Variants in ZFHX3 observed in about 807,000 individuals in gnomAD.
ZFHX3 encodes the protein zinc finger homeobox protein 3.
Under a neutral mutation model 279.1 loss-of-function variants are expected in ZFHX3, and 42 were observed. That is an observed-to-expected ratio of 0.15 (90% CI 0.12 to 0.19). ZFHX3 has a LOEUF of 0.19. Ranked by LOEUF, ZFHX3 falls within the 10% of genes least tolerant of loss-of-function variation. The pLI is 1.00. For missense variants in ZFHX3, 4,981 were observed against 4,754.0 expected, an observed-to-expected ratio of 1.05 and a Z score of -1.40; for synonymous variants, 2,293 against 1,957.8, an observed-to-expected ratio of 1.17 and a Z score of -4.52.
chr16:72,950,960 C>A lies in ZFHX3; in HGVS notation c.2725G>T (p.Gly909Cys). ...MAAMTPALVG[G>C]EIPLDMRLGG... is the part of the protein sequence containing the mutation. Reference sequence around the variant, plus strand: ...AGCCGCATGTCTAGGGGGATCTCACCGCCCACTGCAGGGAAGGAGAGAAGG... The same window carrying A: ...AGCCGCATGTCTAGGGGGATCTCACAGCCCACTGCAGGGAAGGAGAGAAGG... Residue 909 changes from glycine to cysteine, a missense_variant, in exon 3 of 10, where the codon GGT (glycine) becomes TGT (cysteine). Physicochemically the swap from Gly to Cys is radical, Grantham distance 159 (BLOSUM62 -3). Around this residue, in one of 7 missense-constraint regions of ZFHX3, gnomAD observed 1,751 missense variants for 1,770.0 expected, o/e 0.99. Transcript: ENST00000268489. 6.2e-7 allele frequency: 1 copy of A among 1,611,226 alleles called. No homozygotes were observed. Among genetic ancestry groups the A allele is most frequent in the Non-Finnish European group, 8.5e-7 (1 of 1,177,852 alleles).
At chr16:73,474,396 A>G (rs966801259) in intron 2 of ZFHX3, among the ~76,000 whole-genome samples, 1 of 152,134 alleles carries the variant, frequency 6.6e-6, no homozygotes, top group Non-Finnish European at 1.5e-5. Context: ...TGATCCACCC[A>G]CCTTGGCCTC....
chr16:73,183,683 G>A (rs867711229), intron 5 of ZFHX3, among the ~76,000 whole-genome samples: 2 of 152,210 alleles, frequency 1.3e-5, no homozygotes, highest in Non-Finnish European at 2.9e-5. Context: ...CCTAAAGGAA[G>A]TTATGTTTAT....
intron 5 of ZFHX3, among the ~76,000 whole-genome samples, chr16:73,216,323 G>T (rs2012206376): frequency 6.6e-6 from 1 of 152,146 alleles, no homozygotes; most frequent in African/African-American, 2.4e-5. Context: ...GTCATTCAAG[G>T]TCCCCAGCAA....
At chr16:73,379,151 T>C (rs2016776614) in intron 3 of ZFHX3, among the ~76,000 whole-genome samples, 1 of 152,228 alleles carries the variant, frequency 6.6e-6, no homozygotes, top group African/African-American at 2.4e-5. Context: ...TTTTTTAGGA[T>C]GTTTTTACTG....
At chr16:73,272,377 C>G (rs1228046052) in intron 4 of ZFHX3, among the ~76,000 whole-genome samples, 2 of 152,138 alleles carry the variant, frequency 1.3e-5, no homozygotes, top group Non-Finnish European at 2.9e-5. Flanking sequence ...GTCTGAAAAA[C>G]AGCTGTATAT....
intron 8 of ZFHX3, among the ~76,000 whole-genome samples, chr16:73,073,491 G>C (rs1965848787): frequency 6.6e-6 from 1 of 152,138 alleles, no homozygotes; most frequent in African/African-American, 2.4e-5. Flanking sequence ...CCAAGGACTT[G>C]CTGGATTTTG....
intron 1 of ZFHX3, among the ~76,000 whole-genome samples, chr16:73,013,139 C>T (rs1462937407): frequency 2.0e-5 from 3 of 152,146 alleles, no homozygotes; most frequent in African/African-American, 7.2e-5. Context: ...AGAGAGGAGG[C>T]CACCATCCTG....
At chr16:73,594,050 G>A (rs777459995) in intron 2 of ZFHX3, among the ~76,000 whole-genome samples, 9 of 151,982 alleles carry the variant, frequency 5.9e-5, no homozygotes, top group Admixed American at 2.6e-4. Context: ...TGCAAGAAGC[G>A]GTGTGAAAGG....
chr16:73,378,723 G>C (rs970278699), intron 3 of ZFHX3, among the ~76,000 whole-genome samples: 1 of 152,094 alleles, frequency 6.6e-6, no homozygotes, highest in Non-Finnish European at 1.5e-5. Flanking sequence ...TTCTCCATGT[G>C]ACATATTCCT....
intron 1 of ZFHX3, among the ~76,000 whole-genome samples, chr16:73,803,003 G>C (rs574510792): frequency 3.3e-5 from 5 of 152,240 alleles, no homozygotes; most frequent in Admixed American, 2.0e-4. Flanking sequence ...TTTTAGTAGA[G>C]ATGGCCAGGC....
intron 1 of ZFHX3, among the ~76,000 whole-genome samples, chr16:73,709,772 G>A (rs1265629073): frequency 6.6e-6 from 1 of 151,274 alleles, no homozygotes; most frequent in Non-Finnish European, 1.5e-5. Context: ...GATTTTAAAT[G>A]TTCTCACCCC....
chr16:73,023,101 C>T (rs1964365253), intron 1 of ZFHX3, among the ~76,000 whole-genome samples: 1 of 152,204 alleles, frequency 6.6e-6, no homozygotes, highest in African/African-American at 2.4e-5. Flanking sequence ...GTGGCCCATG[C>T]CTATGATTCC....
At chr16:73,444,232 G>C (rs1443429090) in intron 3 of ZFHX3, among the ~76,000 whole-genome samples, 2 of 152,200 alleles carry the variant, frequency 1.3e-5, no homozygotes, top group African/African-American at 2.4e-5. Flanking sequence ...ACAAGCTGCT[G>C]TTCCCTCTGC....
chr16:73,392,244 A>G (rs1223624959), intron 3 of ZFHX3, among the ~76,000 whole-genome samples: 2 of 151,466 alleles, frequency 1.3e-5, no homozygotes, highest in African/African-American at 4.9e-5. Context: ...ACATGGTAAA[A>G]CCCCATCTCT....
intron 1 of ZFHX3, among the ~76,000 whole-genome samples, chr16:73,725,255 T>C (rs2053508201): frequency 6.6e-6 from 1 of 152,228 alleles, no homozygotes; most frequent in South Asian, 2.1e-4. Flanking sequence ...AAACTAGCCC[T>C]GCATTTCTTG....
At chr16:72,996,892 C>T (rs1231585635) in intron 1 of ZFHX3, among the ~76,000 whole-genome samples, 2 of 152,144 alleles carry the variant, frequency 1.3e-5, no homozygotes, top group Non-Finnish European at 2.9e-5. Context: ...TTTTGCTAGC[C>T]CTCTAGGTAT....
At chr16:73,341,831 A>C (rs966979562) in intron 3 of ZFHX3, among the ~76,000 whole-genome samples, 2 of 152,234 alleles carry the variant, frequency 1.3e-5, no homozygotes, top group African/African-American at 2.4e-5. Context: ...GTAAAGAAGC[A>C]AGTCACAAAA....
chr16:73,326,484 G>A (rs943775234), intron 3 of ZFHX3, among the ~76,000 whole-genome samples: 3 of 152,134 alleles, frequency 2.0e-5, no homozygotes, highest in Non-Finnish European at 2.9e-5. Flanking sequence ...TTAAAAACAC[G>A]ATCCTAAGTG....
chr16:72,815,348 C>T (rs141912105), intron 5 of ZFHX3, among the ~76,000 whole-genome samples: 2 of 148,380 alleles, frequency 1.3e-5, no homozygotes, highest in East Asian at 2.0e-4. Context: ...GTTGAGGCTG[C>T]GGTGAGCCAT....
Sources: gnomAD v4.1 joint callset for allele counts (sites outside exome capture counted in the v4.1 genomes callset) on GRCh38, gnomAD v4.1.1 for gene constraint, gnomAD v4.1.1 regional missense constraint, MANE v1.5 for transcripts, NCBI Gene and HGNC (gene_info 2026-07-23, HGNC 2026-07-21) for gene names.